UBIAD1: variants seen among roughly 807,000 people sequenced by gnomAD.
The protein encoded by UBIAD1 is ubiA prenyltransferase domain-containing protein 1.
A neutral mutation model predicts 20.1 loss-of-function variants in UBIAD1; 12 were observed. That is an observed-to-expected ratio of 0.60 (90% confidence interval 0.38 to 0.97). The LOEUF (loss-of-function observed/expected upper bound fraction) is 0.97. Ranked by LOEUF, UBIAD1 falls within the 50% of genes least tolerant of loss-of-function variation. UBIAD1 has a pLI of 0.00. For missense variants in UBIAD1, 333 were observed against 419.5 expected, an observed-to-expected ratio of 0.79 and a Z score of 1.80; for synonymous variants, 207 against 189.2, an observed-to-expected ratio of 1.09 and a Z score of -0.77.
chr1:11,293,895 C>T (rs959290712), intron 1 of UBIAD1, among the ~76,000 whole-genome samples: 6 of 152,170 alleles, frequency 3.9e-5, no homozygotes, highest in Admixed American at 1.3e-4. Context: ...AGGCTGGTTT[C>T]GAACTGATCT....
rs369493928 is a variant in UBIAD1, at chr1:11,273,957, C to G, written c.426C>G (p.Gly142=). The change falls in exon 1 of 2, where the codon GGC becomes GGG. Residue 142 remains glycine (G), a synonymous_variant. Coordinates refer to ENST00000376810, the MANE Select transcript of UBIAD1 (RefSeq NM_013319.3). This position sits in a 1 kb window ranked among gnomAD's most constrained non-coding sequence, Gnocchi z 4.9. The part of the protein sequence containing the change: ...VRFGVFLYTL[G]CVCAACLYYL... ...TCGGAGTCTTCCTCTACACGTTGGG[C>G]TGCGTCTGTGCCGCTTGCCTCTACT... 40 of 1,614,124 alleles carry G rather than the reference C, an allele frequency of 2.5e-5. 1 individual carries two copies. The highest frequency in any genetic ancestry group is 3.1e-5 in the Non-Finnish European group (37 of 1,180,050).
Position 11,295,080 on chromosome 1 carries a change from T to C in UBIAD1, c.*197T>C, listed in dbSNP as rs41274522. On this transcript the variant is annotated 3_prime_UTR_variant, in exon 2 of 2. Coordinates refer to the UBIAD1 transcript ENST00000376804. ...TATGCATGTTCAGGACACAGGATAC[T>C]CAACTCTTCGGGTTCAGTGTGCTGT... The C allele has an allele frequency of 6.6e-3, 4,186 of 630,774 alleles. 23 individuals are homozygous for C. Among genetic ancestry groups the C allele is most frequent in the Non-Finnish European group, 1.0e-2 (3,484 of 349,842 alleles). The allele number at this position is 630,774 out of a possible 1,614,324, so 39.1% of individuals were successfully genotyped here. A position where few individuals can be genotyped will look rare whatever the true frequency, so the allele number is the denominator to read the frequency against.
In UBIAD1 at chr1:11,273,681, G is replaced by T; in HGVS notation, c.150G>T (p.Val50=). The part of the protein sequence containing the change: ...RSWRQKCASY[V]LALRPWSFSA... Reference sequence around the variant, plus strand: ...GGAGGCAGAAGTGTGCCTCCTACGTGTTGGCCCTGAGGCCCTGGAGCTTCA... The same window carrying T: ...GGAGGCAGAAGTGTGCCTCCTACGTTTTGGCCCTGAGGCCCTGGAGCTTCA... Residue 50 remains valine, a synonymous_variant, in exon 1 of 2, where the codon GTG becomes GTT. Transcript: ENST00000376810. This position sits in a 1 kb window ranked among gnomAD's most constrained non-coding sequence, Gnocchi z 4.9. The T allele has an allele frequency of 6.2e-7, 1 of 1,614,174 alleles. No homozygotes were observed. Among genetic ancestry groups the T allele is most frequent in the Non-Finnish European group, 8.5e-7 (1 of 1,180,038 alleles).
exon 2 of UBIAD1, chr1:11,295,038 T>C (rs1467857921): frequency 4.3e-6 from 3 of 692,940 alleles, no homozygotes; most frequent in East Asian, 5.4e-5. Flanking sequence ...GTGGGCAGCA[T>C]CTGGAGCTGA....
At chr1:11,295,568 G>C (rs533132955), downstream of UBIAD1, 2 of 152,480 alleles carry the variant, frequency 1.3e-5, no homozygotes, top group Non-Finnish European at 2.9e-5. Flanking sequence ...ATGGCCTGGA[G>C]AGACAAGGCC....
downstream of UBIAD1, among the ~76,000 whole-genome samples, chr1:11,296,677 G>A: frequency 6.6e-6 from 1 of 151,992 alleles, no homozygotes; most frequent in Non-Finnish European, 1.5e-5. Flanking sequence ...GCACCACCAT[G>A]CCCAGCTAAT....
chr1:11,294,154 A>C (rs1026780462), intron 1 of UBIAD1, among the ~76,000 whole-genome samples: 2 of 152,214 alleles, frequency 1.3e-5, no homozygotes, highest in East Asian at 1.9e-4. Flanking sequence ...TTTAGTGCTC[A>C]TAACAACCCC....
chr1:11,294,112 C>G (rs1638409255), intron 1 of UBIAD1, among the ~76,000 whole-genome samples: 1 of 152,130 alleles, frequency 6.6e-6, no homozygotes, highest in Non-Finnish European at 1.5e-5. Flanking sequence ...TCACTATGGA[C>G]CAGGCACTGT....
chr1:11,274,872 T>G (rs563119942), intron 1 of UBIAD1, among the ~76,000 whole-genome samples: 2 of 152,312 alleles, frequency 1.3e-5, no homozygotes, highest in African/African-American at 4.8e-5. Context: ...CCTCCCAAAG[T>G]GCTGGGATTA....
At chr1:11,282,619 A>C (rs1320892502) in intron 1 of UBIAD1, among the ~76,000 whole-genome samples, 1 of 149,270 alleles carries the variant, frequency 6.7e-6, no homozygotes, top group Non-Finnish European at 1.5e-5. Flanking sequence ...GCTGGAGTAC[A>C]ATGGTGCGAC....
chr1:11,289,022 T>G (rs1475460165), downstream of UBIAD1, among the ~76,000 whole-genome samples: 1 of 152,252 alleles, frequency 6.6e-6, no homozygotes, highest in Non-Finnish European at 1.5e-5. Flanking sequence ...TTTCTTTTTC[T>G]TGATAGGGTC....
At chr1:11,275,512 G>C (rs571145512) in intron 1 of UBIAD1, among the ~76,000 whole-genome samples, 1 of 152,148 alleles carries the variant, frequency 6.6e-6, no homozygotes, top group Non-Finnish European at 1.5e-5. Flanking sequence ...AGGCTGAAGC[G>C]AGAGGATCGC....
intron 1 of UBIAD1, among the ~76,000 whole-genome samples, chr1:11,279,517 G>A (rs913266458): frequency 1.2e-4 from 19 of 152,060 alleles, no homozygotes; most frequent in Admixed American, 5.2e-4. Flanking sequence ...TCTGCCTCCC[G>A]GGTTCAAGTG....
downstream of UBIAD1, among the ~76,000 whole-genome samples, chr1:11,289,555 CTTTA>C (rs1030926367): frequency 9.2e-5 from 14 of 151,810 alleles, no homozygotes; most frequent in African/African-American, 3.1e-4. Context: ...CATCACTTGT[CTTTA>C]TTTATTTATT....
intron 1 of UBIAD1, among the ~76,000 whole-genome samples, chr1:11,275,799 GC>G (rs1195281301): frequency 6.6e-6 from 1 of 151,998 alleles, no homozygotes; most frequent in Non-Finnish European, 1.5e-5. Flanking sequence ...GAGGGAGTTG[GC>G]CAAGCAGATA....
In UBIAD1 at chr1:11,282,620, A is replaced by G. The variant is rs182359045; in HGVS notation, c.530-3024A>G. 1.9e-4 allele frequency among the ~76,000 whole-genome samples: 28 copies of G among 150,592 alleles called. No homozygotes were observed. The East Asian group carries it at 4.7e-3, about 25-fold the overall frequency. On this transcript the variant is annotated intron_variant, in intron 1 of 1. Transcript: ENST00000376810. ...CTCTTGTTGACCAGGCTGGAGTACA[A>G]TGGTGCGACCTCTGCTCACTGCAAC...
In UBIAD1 at chr1:11,275,640, A is replaced by T. The variant is rs553853696; in HGVS notation, c.529+1580A>T. ...TTGCCTGTGGTCCCAGCTACTTTGGAGGCTGAGGCGGGAGAATTGCTTGAG... is the reference window on the plus strand; with the variant it reads ...TTGCCTGTGGTCCCAGCTACTTTGGTGGCTGAGGCGGGAGAATTGCTTGAG... On this transcript the variant is annotated intron_variant, in intron 1 of 1. Coordinates refer to ENST00000376810, the MANE Select transcript of UBIAD1 (RefSeq NM_013319.3). Among the ~76,000 whole-genome samples the T allele has an allele frequency of 2.6e-5, 4 of 152,210 alleles. No individual in the cohort carries two copies. In the South Asian group the frequency reaches 8.3e-4, roughly 32 times the overall value.
At chr1:11,284,294 T>G (rs192181734) in intron 1 of UBIAD1, among the ~76,000 whole-genome samples, 13 of 152,182 alleles carry the variant, frequency 8.5e-5, no homozygotes, top group African/African-American at 1.2e-4. Flanking sequence ...TCTGACGGAT[T>G]GGAAGAAGTC....
At chr1:11,278,710 A>G (rs929477852) in intron 1 of UBIAD1, 3 of 1,110,756 alleles carry the variant, frequency 2.7e-6, no homozygotes, top group Non-Finnish European at 3.8e-6. Flanking sequence ...CTTTAATGCT[A>G]TATGAATTTT....
Sources: allele counts gnomAD v4.1 joint callset (sites outside exome capture counted in the v4.1 genomes callset), GRCh38; gene constraint gnomAD v4.1.1; non-coding constraint Gnocchi (gnomAD v3.1); transcripts MANE v1.5; gene names NCBI Gene and HGNC (gene_info 2026-07-23, HGNC 2026-07-21).